UBN2: variants seen among roughly 807,000 people sequenced by gnomAD.
UBN2 encodes the protein ubinuclein-2.
In UBN2, 35 loss-of-function variants were observed where a neutral mutation model predicts 120.2. That is an observed-to-expected ratio of 0.29 (90% CI 0.22 to 0.39). The LOEUF (loss-of-function observed/expected upper bound fraction) is 0.39. Among genes scored for constraint, UBN2 ranks in the 10% least tolerant of loss-of-function variants. The pLI, the probability that UBN2 is intolerant of heterozygous loss-of-function variation, is 1.00. For synonymous variants in UBN2, 661 were observed against 648.7 expected, an observed-to-expected ratio of 1.02 and a Z score of -0.29; for missense variants, 1,693 against 1,663.2, an observed-to-expected ratio of 1.02 and a Z score of -0.31.
chr7:139,302,826 C>T lies in UBN2; in HGVS notation c.*4990C>T, dbSNP rs896607325. 1 of 151,398 alleles carries T rather than the reference C, an allele frequency of 6.6e-6. No individual in the cohort carries two copies. Among genetic ancestry groups the T allele is most frequent in the South Asian group, 2.1e-4 (1 of 4,806 alleles). 9.4% of individuals were successfully genotyped at this position (151,398 alleles called of 1,614,324 possible). A position where few individuals can be genotyped will look rare whatever the true frequency, so the allele number is the denominator to read the frequency against. On this transcript the variant is annotated 3_prime_UTR_variant, in exon 18 of 18. Transcript: ENST00000473989. The stretch of plus-strand genomic sequence containing the variant: ...CGTCAGTTACTACAAGTAAAATAAA[C>T]TTAGTGAATCATTGACTATTCTTGG...
intron 2 of UBN2, among the ~76,000 whole-genome samples, chr7:139,247,496 G>A (rs1796502085): frequency 6.6e-6 from 1 of 152,196 alleles, no homozygotes; most frequent in Non-Finnish European, 1.5e-5. Context: ...GCCTGTTGGA[G>A]TTAGGCAGTC....
rs558526117 is a variant in UBN2, at chr7:139,284,237, A to T, written c.3332A>T (p.His1111Leu). The T allele has an allele frequency of 6.2e-7, 1 of 1,614,172 alleles. No individual in the cohort carries two copies. Among genetic ancestry groups the T allele is most frequent in the South Asian group, 1.1e-5 (1 of 91,082 alleles). The change falls in exon 15 of 18, where the codon CAT becomes CTT. Residue 1111 changes from histidine to leucine, a missense_variant. Around this residue, in one of 5 missense-constraint regions of UBN2, gnomAD observed 837 missense variants for 817.6 expected, o/e 1.02. Transcript: ENST00000473989. ...CACTCCAGCACTAACAGCCCAGTCC[A>T]TAAACAGCCCAGTGGAATGAACATC... is the stretch of plus-strand genomic sequence containing the variant. ...GSHSSTNSPV[H>L]KQPSGMNISR...
intron 13 of UBN2, among the ~76,000 whole-genome samples, chr7:139,280,709 G>C (rs569550278): frequency 1.3e-5 from 2 of 152,106 alleles, no homozygotes; most frequent in African/African-American, 4.8e-5. Context: ...GCAGTGGTGC[G>C]ATCTCGGCTC....
At chr7:139,294,696 C>A (rs374355977) in intron 17 of UBN2, among the ~76,000 whole-genome samples, 2 of 152,132 alleles carry the variant, frequency 1.3e-5, no homozygotes, top group East Asian at 3.9e-4. Flanking sequence ...CAAAAGTTAG[C>A]CAGGCCTGAT....
chr7:139,264,615 A>G (rs149444897), intron 6 of UBN2, among the ~76,000 whole-genome samples: 2 of 152,222 alleles, frequency 1.3e-5, no homozygotes, highest in East Asian at 3.9e-4. Flanking sequence ...CTCTGTCCCC[A>G]GGTTGGAGTG....
chr7:139,319,826 C>T, the UBN2 span, among the ~76,000 whole-genome samples: 2 of 152,160 alleles, frequency 1.3e-5, no homozygotes, highest in African/African-American at 2.4e-5. Context: ...CCTGTAATCA[C>T]AGCACTTTGG....
At chr7:139,308,360 C>G (rs1285347138), downstream of UBN2, 1 of 152,146 alleles carries the variant, frequency 6.6e-6, no homozygotes, top group Non-Finnish European at 1.5e-5. Context: ...GTAAAGGACC[C>G]AGTCTCCTGC....
At chr7:139,269,369 C>G (rs762063105) in intron 7 of UBN2, 25 bp from the exon 8 acceptor site, 6 of 1,611,944 alleles carry the variant, frequency 3.7e-6, no homozygotes, top group Non-Finnish European at 4.2e-6. Flanking sequence ...CTATACTGTT[C>G]ATTGTTGTTA....
At chr7:139,329,659 C>T in the UBN2 span, among the ~76,000 whole-genome samples, 3 of 152,030 alleles carry the variant, frequency 2.0e-5, no homozygotes, top group African/African-American at 7.2e-5. Context: ...AGCATTCTTA[C>T]GTGGGTGATG....
At chr7:139,288,018 C>T (rs1797841519) in intron 15 of UBN2, among the ~76,000 whole-genome samples, 1 of 152,186 alleles carries the variant, frequency 6.6e-6, no homozygotes, top group Non-Finnish European at 1.5e-5. Context: ...TAATAACTTT[C>T]CACACAGGGG....
rs1795999501 is a variant in UBN2 at position 139,231,290 on chromosome 7, TGGC to T, written c.-192_-190del. Among the ~76,000 whole-genome samples the T allele has an allele frequency of 6.6e-6, 1 of 152,186 alleles. No individual in the cohort carries two copies. The highest frequency in any genetic ancestry group is 2.1e-4 in the South Asian group (1 of 4,832). Reference sequence around the variant, plus strand: ...ATGGCGGCCGCGGCGACCCTGGCGATGGCGGTGAAGCCCATCAGAACGTAGTAG... The same window carrying T: ...ATGGCGGCCGCGGCGACCCTGGCGATGGTGAAGCCCATCAGAACGTAGTAG... On this transcript the variant is annotated 5_prime_UTR_variant, in exon 1 of 18. Coordinates refer to ENST00000473989, the MANE Select transcript of UBN2 (RefSeq NM_173569.4).
the UBN2 span, among the ~76,000 whole-genome samples, chr7:139,313,923 A>G: frequency 6.6e-6 from 1 of 150,378 alleles, no homozygotes; most frequent in Non-Finnish European, 1.5e-5. Flanking sequence ...ATCTCAGCTC[A>G]TTGCAACCTC....
chr7:139,236,112 A>G (rs547264758), intron 1 of UBN2, among the ~76,000 whole-genome samples: 3 of 152,258 alleles, frequency 2.0e-5, no homozygotes, highest in African/African-American at 7.2e-5. Context: ...AAAACCATAT[A>G]TATGTTTGTA....
chr7:139,321,920 A>G, the UBN2 span, among the ~76,000 whole-genome samples: 6 of 152,170 alleles, frequency 3.9e-5, no homozygotes, highest in Non-Finnish European at 7.3e-5. Context: ...AGAGGGTTTC[A>G]AGTCAATGAC....
intron 15 of UBN2, among the ~76,000 whole-genome samples, chr7:139,289,539 G>C (rs1328113473): frequency 3.3e-5 from 5 of 150,994 alleles, no homozygotes; most frequent in African/African-American, 1.2e-4. Context: ...CAGCCTCCAA[G>C]TACCTGGGAT....
At chr7:139,264,127 T>A (rs896787730) in intron 6 of UBN2, among the ~76,000 whole-genome samples, 2 of 152,212 alleles carry the variant, frequency 1.3e-5, no homozygotes, top group Non-Finnish European at 2.9e-5. Context: ...TAAAAAATAC[T>A]GTTTTTGCCT....
At chr7:139,310,243 C>G (rs540180112), downstream of UBN2, among the ~76,000 whole-genome samples, 136 of 151,700 alleles carry the variant, frequency 9.0e-4, no homozygotes, top group African/African-American at 3.0e-3. Flanking sequence ...GGGAGGATCA[C>G]TTGAGCCCAG....
chr7:139,313,591 CCTTTAATA>C, the UBN2 span, among the ~76,000 whole-genome samples: 2 of 152,072 alleles, frequency 1.3e-5, no homozygotes, highest in African/African-American at 4.8e-5. Context: ...TTAGACTGGT[CCTTTAATA>C]CTATGCTAAA....
intron 2 of UBN2, 56 bp downstream of exon 2, chr7:139,237,153 T>TAGGTAATTTTATC: frequency 6.0e-6 from 8 of 1,338,922 alleles, no homozygotes; most frequent in Non-Finnish European, 8.4e-6. Flanking sequence ...CTGTTTGCTT[T>TAGGTAATTTTATC]CTGTGGCTGG....
Sources: gnomAD v4.1 joint callset for allele counts (sites outside exome capture counted in the v4.1 genomes callset) on GRCh38, gnomAD v4.1.1 for gene constraint, gnomAD v4.1.1 regional missense constraint, MANE v1.5 for transcripts, NCBI Gene and HGNC (gene_info 2026-07-23, HGNC 2026-07-21) for gene names.